The following ELP3 variants were observed in gnomAD, a reference collection of about 807,000 sequenced individuals.
ELP3 encodes the protein elongator complex protein 3.
Under a neutral mutation model 74.9 loss-of-function variants are expected in ELP3, and 56 were observed. The observed-to-expected ratio is 0.75, with a 90% CI of 0.60 to 0.93. The LOEUF (loss-of-function observed/expected upper bound fraction) is 0.93. ELP3 is among the 40% of genes least tolerant of loss of function. The probability of loss-of-function intolerance (pLI) is 0.00; values close to 1 mark genes in which losing one functional copy is unlikely to be tolerated. For missense variants in ELP3, 573 were observed against 686.5 expected (o/e 0.83, Z 1.85); for synonymous variants, 222 against 239.8 (o/e 0.93, Z 0.68).
intron 8 of ELP3, among the ~76,000 whole-genome samples, chr8:28,131,623 G>A (rs1038212073): frequency 1.4e-4 from 22 of 152,196 alleles, no homozygotes; most frequent in Non-Finnish European, 2.9e-4. Flanking sequence ...CTTCAGTTTA[G>A]TTGCCCAAAA....
intron 14 of ELP3, 28 bp from the exon 15 acceptor site, chr8:28,189,621 T>C: frequency 6.2e-7 from 1 of 1,612,828 alleles, no homozygotes; most frequent in Non-Finnish European, 8.5e-7. Context: ...AAGTGAATGC[T>C]CCTTTTTTAA....
chr8:28,159,070 T>A (rs554505293), intron 12 of ELP3, among the ~76,000 whole-genome samples: 1 of 152,370 alleles, frequency 6.6e-6, no homozygotes, highest in South Asian at 2.1e-4. Flanking sequence ...TCTTTATGTG[T>A]AACTATTCAG....
chr8:28,188,342 G>C lies in ELP3; in HGVS notation c.1568-1307G>C, dbSNP rs192835848. Among the ~76,000 whole-genome samples the C allele has an allele frequency of 8.8e-4, 132 of 149,330 alleles. 1 individual carries two copies. In the Middle Eastern group the frequency reaches 0.014, roughly 16 times the overall value. On this transcript the variant is annotated intron_variant, in intron 14 of 14. Coordinates refer to ENST00000256398, the MANE Select transcript of ELP3 (RefSeq NM_018091.6). ...GCTCCTAAAACCCTTGTAATTTTCTGAGCTGCAGGGGTTCAAGGGGCATCT... is the reference window on the plus strand; with the variant it reads ...GCTCCTAAAACCCTTGTAATTTTCTCAGCTGCAGGGGTTCAAGGGGCATCT...
chr8:28,125,759 C>CTTTTTTTTTTTTTTTTTTTTTTT (rs755484214), intron 7 of ELP3, among the ~76,000 whole-genome samples: 3 of 92,182 alleles, frequency 3.3e-5, no homozygotes, highest in Non-Finnish European at 6.0e-5. Context: ...AGTCATTTCT[C>CTTTTTTTTTTTTTTTTTTTTTTT]TTTTTTTTTT....
At chr8:28,176,994 A>G (rs2322974) in intron 14 of ELP3, among the ~76,000 whole-genome samples, 74,826 of 152,064 alleles carry the variant, frequency 0.49, 19,212 homozygotes, top group East Asian at 0.91. Context: ...GTAAGTTACC[A>G]TGGTAGTATC....
At chr8:28,126,762 A>G (rs1263987611) in intron 7 of ELP3, among the ~76,000 whole-genome samples, 1 of 152,236 alleles carries the variant, frequency 6.6e-6, no homozygotes, top group Admixed American at 6.5e-5. Flanking sequence ...GAAAGCCTGT[A>G]TGCGCATATT....
chr8:28,098,204 T>C (rs946968835), intron 2 of ELP3, among the ~76,000 whole-genome samples: 2 of 142,102 alleles, frequency 1.4e-5, no homozygotes, highest in African/African-American at 6.0e-5. Flanking sequence ...TCTGCATCTA[T>C]TTTTTTTTTC....
Position 28,134,101 on chromosome 8 carries a change from G to A in ELP3, c.906+1697G>A, listed in dbSNP as rs145118222. On this transcript the variant is annotated intron_variant, in intron 9 of 14. Transcript: ENST00000256398. ...GTATTTCTCCTAATGCTGTCCCTCCGCCTGCCCCCCACCCCACGACAGGCC... is the reference window on the plus strand; with the variant it reads ...GTATTTCTCCTAATGCTGTCCCTCCACCTGCCCCCCACCCCACGACAGGCC... Among the ~76,000 whole-genome samples, 762 of 152,042 alleles carry A rather than the reference G, an allele frequency of 5.0e-3. 3 individuals carry two copies. The highest frequency in any genetic ancestry group is 8.2e-3 in the Non-Finnish European group (556 of 67,990).
chr8:28,180,590 A>G (rs935417576), intron 14 of ELP3, among the ~76,000 whole-genome samples: 1 of 152,228 alleles, frequency 6.6e-6, no homozygotes, highest in African/African-American at 2.4e-5. Flanking sequence ...CCTGTCTTAA[A>G]GTGTACCTCA....
At position 28,167,270 on chromosome 8, in the gene ELP3, G is replaced by A. The variant is rs141876000; in HGVS notation, c.1567+5192G>A. Among the ~76,000 whole-genome samples, 27 of 152,240 alleles carry A rather than the reference G, an allele frequency of 1.8e-4. No individual in the cohort carries two copies. In the East Asian group the frequency reaches 3.9e-3, roughly 22 times the overall value. On this transcript the variant is annotated intron_variant, in intron 14 of 14. Coordinates refer to ENST00000256398, the MANE Select transcript of ELP3 (RefSeq NM_018091.6). ...CTGGTCAGAAAATAAGTGTACCTGC[G>A]CCTTATACAATCCAATATGGCTTTC...
At chr8:28,139,279 T>C (rs1243909882) in intron 10 of ELP3, among the ~76,000 whole-genome samples, 1 of 146,778 alleles carries the variant, frequency 6.8e-6, no homozygotes. Context: ...GCAGATATAT[T>C]AAGGATACTG....
rs1811625576 is a variant in ELP3 at position 28,104,886 on chromosome 8, A to G, written c.259-1827A>G. On this transcript the variant is annotated intron_variant, in intron 3 of 14. Coordinates refer to ENST00000256398, the MANE Select transcript of ELP3 (RefSeq NM_018091.6). ...AAACTAGGTGGATATCCTGTTTCTC[A>G]TCACGTACCCAGTTCACTCCTTTAT... Among the ~76,000 whole-genome samples the G allele has an allele frequency of 2.0e-5, 3 of 152,234 alleles. No homozygotes were observed. In the South Asian group the frequency reaches 6.2e-4, roughly 31 times the overall value.
At chr8:28,139,899 C>A (rs549715704) in intron 10 of ELP3, among the ~76,000 whole-genome samples, 1 of 152,262 alleles carries the variant, frequency 6.6e-6, no homozygotes, top group East Asian at 1.9e-4. Context: ...GAGCAGAGAT[C>A]ATGCCATTGC....
rs1814112320 is a variant in ELP3 at position 28,161,997 on chromosome 8, G to A, written c.1486G>A (p.Gly496Arg). The change falls in exon 14 of 15, where the codon GGA becomes AGA. Residue 496 changes from glycine to arginine, a missense_variant and splice_region_variant. Physicochemically the swap from Gly to Arg is moderately radical, Grantham distance 125 (BLOSUM62 -2). Coordinates refer to ENST00000256398, the MANE Select transcript of ELP3 (RefSeq NM_018091.6). ...SRDPTKFQHQ[G>R]FGMLLMEEAE... ...CACTCCCCATTGTTGCTCCGTGCAGGGATTTGGCATGCTGCTGATGGAGGA... is the reference window on the plus strand; with the variant it reads ...CACTCCCCATTGTTGCTCCGTGCAGAGATTTGGCATGCTGCTGATGGAGGA... 1 of 1,613,962 alleles carries A rather than the reference G, an allele frequency of 6.2e-7. No homozygotes were observed. The highest frequency in any genetic ancestry group is 1.7e-5 in the Admixed American group (1 of 60,000).
intron 6 of ELP3, among the ~76,000 whole-genome samples, chr8:28,112,097 A>G (rs1811938380): frequency 6.6e-6 from 1 of 152,154 alleles, no homozygotes; most frequent in South Asian, 2.1e-4. Flanking sequence ...ACAAAATGAA[A>G]GATTTGTATC....
chr8:28,115,597 T>G (rs545758565), intron 7 of ELP3, among the ~76,000 whole-genome samples: 11 of 152,324 alleles, frequency 7.2e-5, no homozygotes. Flanking sequence ...TAGTTAGCCT[T>G]TGAGTTAAGT....
chr8:28,164,407 G>C (rs1170206815), intron 14 of ELP3, among the ~76,000 whole-genome samples: 1 of 152,160 alleles, frequency 6.6e-6, no homozygotes, highest in Non-Finnish European at 1.5e-5. Flanking sequence ...CAAATTAACA[G>C]GGAAGAACCT....
intron 14 of ELP3, among the ~76,000 whole-genome samples, chr8:28,176,636 G>A (rs991248499): frequency 1.3e-5 from 2 of 151,932 alleles, no homozygotes; most frequent in African/African-American, 2.4e-5. Flanking sequence ...TTTTTCCAGC[G>A]TAATCGTCGT....
intron 10 of ELP3, among the ~76,000 whole-genome samples, chr8:28,139,842 G>C (rs1320994103): frequency 6.6e-6 from 1 of 152,178 alleles, no homozygotes; most frequent in African/African-American, 2.4e-5. Context: ...CTACTCAGGA[G>C]GCTGAGGCAG....
Sources: allele counts gnomAD v4.1 joint callset (sites outside exome capture counted in the v4.1 genomes callset), GRCh38; gene constraint gnomAD v4.1.1; transcripts MANE v1.5; gene names NCBI Gene and HGNC (gene_info 2026-07-23, HGNC 2026-07-21).